TMEM25: variants seen among roughly 807,000 people sequenced by gnomAD.
TMEM25 encodes the protein transmembrane protein 25, also known as 0610039J01Rik.
A neutral mutation model predicts 37.0 loss-of-function variants in TMEM25; 36 were observed. The observed-to-expected ratio is 0.97, with a 90% CI of 0.75 to 1.28. The LOEUF (loss-of-function observed/expected upper bound fraction) is 1.28. Among genes scored for constraint, TMEM25 ranks in the 50% most tolerant of loss-of-function variants. TMEM25 has a pLI of 0.00. For synonymous variants in TMEM25, 197 were observed against 203.7 expected, an observed-to-expected ratio of 0.97 and a Z score of 0.28; for missense variants, 444 against 477.9, an observed-to-expected ratio of 0.93 and a Z score of 0.66.
chr11:118,546,918 T>C (rs942482144), downstream of TMEM25: 4 of 148,820 alleles, frequency 2.7e-5, no homozygotes, highest in African/African-American at 9.9e-5. Flanking sequence ...TTTAAACTAC[T>C]GGTTTCTTAA....
chr11:118,545,594 G>A (rs955291131), intron 8 of TMEM25: 10 of 1,146,822 alleles, frequency 8.7e-6, no homozygotes, highest in African/African-American at 3.1e-5. Flanking sequence ...ATGGGGTGTC[G>A]CTATGACTTT....
intron 8 of TMEM25, among the ~76,000 whole-genome samples, chr11:118,542,138 G>A (rs1951586694): frequency 6.6e-6 from 1 of 152,116 alleles, no homozygotes; most frequent in Non-Finnish European, 1.5e-5. Flanking sequence ...TCTGGGGGCC[G>A]GGAAGTACAC....
chr11:118,531,736 T>G, intron 1 of TMEM25, 39 bp from the exon 2 acceptor site: 1 of 1,413,360 alleles, frequency 7.1e-7, no homozygotes, highest in Non-Finnish European at 9.6e-7. Flanking sequence ...TAGGCCTGCC[T>G]GCTGTCACCT....
downstream of TMEM25, chr11:118,547,233 A>G (rs561162166): frequency 4.6e-5 from 7 of 152,222 alleles, no homozygotes; most frequent in Non-Finnish European, 8.8e-5. Flanking sequence ...TGTAGAGCTT[A>G]CATTTTAGTA....
chr11:118,533,802 A>T (rs961656118), intron 5 of TMEM25, 55 bp from the exon 6 acceptor site: 5 of 1,612,586 alleles, frequency 3.1e-6, no homozygotes, highest in Non-Finnish European at 4.2e-6. Context: ...AGGGTAGGAC[A>T]GCCCAGCGTG....
At chr11:118,531,642 C>A in intron 1 of TMEM25, 133 bp from the exon 2 acceptor site, 1 of 710,512 alleles carries the variant, frequency 1.4e-6, no homozygotes, top group Non-Finnish European at 2.3e-6. Context: ...GTGTCCGTGC[C>A]TTCGCCACTG....
Position 118,534,020 on chromosome 11 carries a change from T to C in TMEM25, c.837-9T>C, listed in dbSNP as rs782035583. Reference sequence around the variant, plus strand: ...CTCATATCCATCCCGAACTTTGTCCTCCCTGTAGTGACTCCAACAACCTAA... The same window carrying C: ...CTCATATCCATCCCGAACTTTGTCCCCCCTGTAGTGACTCCAACAACCTAA... On this transcript the variant is annotated splice_polypyrimidine_tract_variant and intron_variant, in intron 6 of 8. Transcript: ENST00000313236. This position sits in a 1 kb window ranked among gnomAD's most constrained non-coding sequence, Gnocchi z 4.6. The C allele has an allele frequency of 1.1e-5, 17 of 1,613,882 alleles. No homozygotes were observed. The highest frequency in any genetic ancestry group is 1.4e-5 in the Non-Finnish European group (17 of 1,179,988).
At position 118,535,286 on chromosome 11, in the gene TMEM25, T is replaced by A; in HGVS notation, c.*706T>A. On this transcript the variant is annotated 3_prime_UTR_variant, in exon 9 of 9. Transcript: ENST00000313236. Reference sequence around the variant, plus strand: ...ATTGGCCTGTGCCATCGCCCAGTATTAGCACAAGTTAGGGAGGAAGAGGCA... The same window carrying A: ...ATTGGCCTGTGCCATCGCCCAGTATAAGCACAAGTTAGGGAGGAAGAGGCA... The A allele has an allele frequency of 2.3e-6, 3 of 1,289,872 alleles. No individual in the cohort carries two copies. Among genetic ancestry groups the A allele is most frequent in the Non-Finnish European group, 2.9e-6 (3 of 1,018,078 alleles). 79.9% of individuals were successfully genotyped at this position (1,289,872 alleles called of 1,614,324 possible).
rs73022053 is a variant in TMEM25 at position 118,545,098 on chromosome 11, C to T, written c.1028-1021C>T. On this transcript the variant is annotated intron_variant, in intron 8 of 8. Coordinates refer to the TMEM25 transcript ENST00000354284. ...AAGAATTAATTTCTTTAAAATGAAC[C>T]CCCTTTATTTCCTTCCTGCTTCCAT... 1.7e-3 allele frequency: 1,719 copies of T among 1,019,390 alleles called. 1 individual carries two copies. The highest frequency in any genetic ancestry group is 2.3e-3 in the Non-Finnish European group (1,536 of 672,428). 63.1% of individuals were successfully genotyped at this position (1,019,390 alleles called of 1,614,324 possible).
rs919826286 is a variant in TMEM25 at position 118,531,542 on chromosome 11, T to A, written c.-27-233T>A. On this transcript the variant is annotated intron_variant, in intron 1 of 8. Coordinates refer to ENST00000313236, the MANE Select transcript of TMEM25 (RefSeq NM_032780.4). ...GTATCTGCGGGTGTGTGCCTCTTTG[T>A]ATTGTAGCCTGGAGTCAGTGCTCGC... The A allele has an allele frequency of 2.7e-5, 15 of 560,522 alleles. No homozygotes were observed. In the Admixed American group the frequency reaches 4.8e-4, roughly 18 times the overall value. 34.7% of individuals were successfully genotyped at this position (560,522 alleles called of 1,614,324 possible).
chr11:118,547,260 GTAAA>G (rs1810592476), downstream of TMEM25: 1 of 152,136 alleles, frequency 6.6e-6, no homozygotes, highest in Non-Finnish European at 1.5e-5. Flanking sequence ...AACAAAATAA[GTAAA>G]TAAAGTCTAT....
At chr11:118,545,296 A>G (rs1460334194) in intron 8 of TMEM25, 27 of 841,564 alleles carry the variant, frequency 3.2e-5, no homozygotes, top group Non-Finnish European at 5.1e-5. Context: ...GGCGAAGGTA[A>G]CTGGGCAGAG....
downstream of TMEM25, among the ~76,000 whole-genome samples, chr11:118,540,022 A>T (rs1334617552): frequency 9.9e-6 from 1 of 100,542 alleles, no homozygotes; most frequent in Non-Finnish European, 2.0e-5. Context: ...CTCCGTCTCA[A>T]AAAAAAAAAA....
At position 118,533,516 on chromosome 11, in the gene TMEM25, C is replaced by A; in HGVS notation, c.770C>A (p.Ala257Asp). The change falls in exon 5 of 9, where the codon GCC becomes GAC. Residue 257 changes from alanine (A) to aspartate (D), a missense_variant. Ala to Asp is a moderately radical substitution (Grantham distance 126, BLOSUM62 -2). Transcript: ENST00000313236. The stretch of plus-strand genomic sequence containing the variant: ...CTCGTGGGGTTCAGCACCTTGGTGG[C>A]CTGCCTGGTCTGCAGAAAAGAGAAG... ...GTLVGFSTLVACLVCRKEKKT... is the reference protein window; with the variant it reads ...GTLVGFSTLVDCLVCRKEKKT... 6.2e-7 allele frequency: 1 copy of A among 1,614,164 alleles called. No homozygotes were observed. The highest frequency in any genetic ancestry group is 8.5e-7 in the Non-Finnish European group (1 of 1,180,000).
At position 118,532,426 on chromosome 11, in the gene TMEM25, G is replaced by T; in HGVS notation, c.347G>T (p.Arg116Leu). The T allele has an allele frequency of 6.2e-7, 1 of 1,610,736 alleles. No individual in the cohort carries two copies. The highest frequency in any genetic ancestry group is 8.5e-7 in the Non-Finnish European group (1 of 1,178,206). Reference protein sequence around the residue: ...NCSLQDPRSGRSANASVILNV... With the variant: ...NCSLQDPRSGLSANASVILNV... ...TCTCTGCAGGACCCCAGAAGTGGCCGATCAGCCAACGCCTCTGTCATCCTT... is the reference window on the plus strand; with the variant it reads ...TCTCTGCAGGACCCCAGAAGTGGCCTATCAGCCAACGCCTCTGTCATCCTT... Residue 116 changes from arginine to leucine, a missense_variant, in exon 3 of 9, where the codon CGA (arginine) becomes CTA (leucine). Transcript: ENST00000313236.
intron 3 of TMEM25, 150 bp downstream of exon 3, chr11:118,532,611 C>T: frequency 2.1e-6 from 2 of 938,452 alleles, no homozygotes; most frequent in Non-Finnish European, 3.1e-6. Context: ...CCCATGAGGT[C>T]ATTACTATTG....
At chr11:118,540,333 T>C (rs1397776532), downstream of TMEM25, among the ~76,000 whole-genome samples, 3 of 152,158 alleles carry the variant, frequency 2.0e-5, no homozygotes, top group East Asian at 3.9e-4. Flanking sequence ...TTTTCCTCCA[T>C]AGAATGGCTA....
chr11:118,546,240 G>C (rs1353995520), exon 9 of TMEM25: 6 of 708,870 alleles, frequency 8.5e-6, no homozygotes, highest in African/African-American at 1.8e-5. Context: ...CTTCACGCCT[G>C]TAATACCAGC....
chr11:118,533,587 T>A (rs1555061085), intron 5 of TMEM25, 36 bp downstream of exon 5: 1 of 1,612,862 alleles, frequency 6.2e-7, no homozygotes, highest in Non-Finnish European at 8.5e-7. Context: ...GTGGATGAGG[T>A]CAGGCTGAGC....
Sources: gnomAD v4.1 joint callset for allele counts (sites outside exome capture counted in the v4.1 genomes callset) on GRCh38, gnomAD v4.1.1 for gene constraint, Gnocchi (gnomAD v3.1) non-coding constraint, MANE v1.5 for transcripts, NCBI Gene and HGNC (gene_info 2026-07-23, HGNC 2026-07-21) for gene names.